EMC3: variants seen among roughly 807,000 people sequenced by gnomAD.
EMC3 encodes 30 kDa protein.
Under a neutral mutation model 36.6 loss-of-function variants are expected in EMC3, and 13 were observed. The observed-to-expected ratio is 0.35, with a 90% CI of 0.23 to 0.56. The LOEUF (loss-of-function observed/expected upper bound fraction) is 0.56. Among genes scored for constraint, EMC3 ranks in the 20% least tolerant of loss-of-function variants. The pLI, the probability that EMC3 is intolerant of heterozygous loss-of-function variation, is 0.84. For synonymous variants in EMC3, 120 were observed against 111.9 expected, an observed-to-expected ratio of 1.07 and a Z score of -0.46; for missense variants, 220 against 324.5, an observed-to-expected ratio of 0.68 and a Z score of 2.47.
At chr3:10,006,855 G>A in intron 1 of EMC3, 1 of 420,084 alleles carries the variant, frequency 2.4e-6, no homozygotes, top group Non-Finnish European at 4.7e-6. Context: ...AAACCTGACA[G>A]TGGATGCCAA....
chr3:10,007,241 G>C, intron 1 of EMC3: 1 of 1,125,052 alleles, frequency 8.9e-7, no homozygotes, highest in Non-Finnish European at 1.2e-6. Flanking sequence ...CAGGTGCAGG[G>C]TAGAGTCCCA....
intron 3 of EMC3, among the ~76,000 whole-genome samples, chr3:9,975,949 TAACTC>T (rs1012522108): frequency 1.3e-5 from 2 of 152,132 alleles, no homozygotes; most frequent in African/African-American, 4.8e-5. Flanking sequence ...GTTAAAAAAT[TAACTC>T]CATACAACCT....
chr3:9,973,608 A>C lies in EMC3; in HGVS notation c.494+20T>G. On this transcript the variant is annotated intron_variant, in intron 5 of 7. Coordinates refer to ENST00000245046, the MANE Select transcript of EMC3 (RefSeq NM_001394674.1). ...CCAAAGTGTGGTTTGTGTTTTTATT[A>C]AACAAAAGAAAGTTCTTACCAGGAT... 6.2e-7 allele frequency: 1 copy of C among 1,610,170 alleles called. No individual in the cohort carries two copies. The highest frequency in any genetic ancestry group is 8.5e-7 in the Non-Finnish European group (1 of 1,176,378).
intron 1 of EMC3, among the ~76,000 whole-genome samples, chr3:9,993,274 C>T (rs2086077582): frequency 6.6e-6 from 1 of 152,124 alleles, no homozygotes; most frequent in Non-Finnish European, 1.5e-5. Context: ...AAATATGGAC[C>T]TATTTGAACT....
At chr3:9,969,656 A>T (rs750887149) in intron 7 of EMC3, 63 bp downstream of exon 7, 1 of 1,612,586 alleles carries the variant, frequency 6.2e-7, no homozygotes, top group Non-Finnish European at 8.5e-7. Flanking sequence ...AGCTATTTTT[A>T]AAATAGCTCT....
chr3:9,966,225 GTTTT>G (rs1264198471), intron 7 of EMC3, among the ~76,000 whole-genome samples: 2 of 138,936 alleles, frequency 1.4e-5, no homozygotes, highest in Admixed American at 1.5e-4. Context: ...AGTGGTATCT[GTTTT>G]TTTTTTTTTT....
Position 9,986,765 on chromosome 3 carries a change from G to C in EMC3, c.-104C>G, listed in dbSNP as rs2085978522. On this transcript the variant is annotated 5_prime_UTR_variant, in exon 1 of 8. Transcript: ENST00000245046. ...CCTCCGGGCCTTCTCAAGCCCCTTTGCCCGTGTACCCCAGAACTCTCCTGC... is the reference window on the plus strand; with the variant it reads ...CCTCCGGGCCTTCTCAAGCCCCTTTCCCCGTGTACCCCAGAACTCTCCTGC... The C allele has an allele frequency of 6.5e-7, 1 of 1,542,794 alleles. No individual in the cohort carries two copies. The highest frequency in any genetic ancestry group is 2.0e-5 in the Admixed American group (1 of 49,644).
At position 9,986,638 on chromosome 3, in the gene EMC3, G is replaced by A. The variant is rs1487465653; in HGVS notation, c.24C>T (p.Leu8=). MAGPELL[L]DSNIRLWVVL... ...CCACCCAGAGGCGGATGTTGGAGTC[G>A]AGCAACAGTTCTGGCCCTGCCATCT... The change falls in exon 1 of 8, where the codon CTC becomes CTT. Residue 8 remains leucine (L), a synonymous_variant. Coordinates refer to ENST00000245046, the MANE Select transcript of EMC3 (RefSeq NM_001394674.1). 1.2e-5 allele frequency: 19 copies of A among 1,614,156 alleles called. No individual in the cohort carries two copies. Among genetic ancestry groups the A allele is most frequent in the Non-Finnish European group, 1.6e-5 (19 of 1,180,030 alleles).
chr3:9,986,449 AC>A (rs1343745174), intron 1 of EMC3, 57 bp downstream of exon 1: 2 of 1,596,034 alleles, frequency 1.3e-6, no homozygotes, highest in African/African-American at 2.7e-5. Context: ...CAACTCCTGC[AC>A]TTTTTTGCCC....
chr3:9,989,868 GA>G (rs2124924439), upstream of EMC3, among the ~76,000 whole-genome samples: 1 of 151,482 alleles, frequency 6.6e-6, no homozygotes, highest in East Asian at 1.9e-4. Context: ...CTGGTCTAAT[GA>G]CTCTAAATTT....
At chr3:9,970,325 G>C (rs773057915) in intron 6 of EMC3, among the ~76,000 whole-genome samples, 3 of 152,192 alleles carry the variant, frequency 2.0e-5, no homozygotes, top group Non-Finnish European at 2.9e-5. Flanking sequence ...TACACTGCTG[G>C]TGCTGGATCC....
At chr3:9,986,892 C>A (rs1224501410), upstream of EMC3, 23 of 1,325,624 alleles carry the variant, frequency 1.7e-5, no homozygotes, top group Non-Finnish European at 2.1e-5. Context: ...GGCGTCAGAG[C>A]GGCGTCGGGC....
chr3:9,972,595 A>C (rs1206276934), intron 5 of EMC3, among the ~76,000 whole-genome samples: 1 of 151,628 alleles, frequency 6.6e-6, no homozygotes, highest in Non-Finnish European at 1.5e-5. Context: ...ACATGGTGAA[A>C]CCCTGTCTCC....
rs2085980211 is a variant in EMC3 at position 9,986,839 on chromosome 3, C to T, written c.-178G>A. The T allele has an allele frequency of 7.2e-7, 1 of 1,389,936 alleles. No individual in the cohort carries two copies. The highest frequency in any genetic ancestry group is 1.5e-5 in the African/African-American group (1 of 68,948). 86.1% of individuals were successfully genotyped at this position (1,389,936 alleles called of 1,614,324 possible). On this transcript the variant is annotated 5_prime_UTR_variant, in exon 1 of 8. In the 5' UTR this introduces an upstream ATG that the reference lacks. Coordinates refer to ENST00000245046, the MANE Select transcript of EMC3 (RefSeq NM_001394674.1). ...TTCAGCTGGGCTGCCTGGTCTTCCA[C>T]TTCCGGCGCGAACGTTGACGTCACG...
chr3:10,001,405 C>CAAAAA (rs60785369), intron 1 of EMC3, among the ~76,000 whole-genome samples: 3 of 79,654 alleles, frequency 3.8e-5, no homozygotes, highest in East Asian at 4.6e-4. Flanking sequence ...GCTAAAAATA[C>CAAAAA]AAAAAAAAAA....
chr3:9,983,329 G>T (rs1466001865), intron 1 of EMC3, among the ~76,000 whole-genome samples: 4 of 151,930 alleles, frequency 2.6e-5, no homozygotes, highest in Non-Finnish European at 5.9e-5. Flanking sequence ...TGTATTTTTA[G>T]CAGAGATGGG....
chr3:10,009,190 C>T (rs1354699019), intron 1 of EMC3: 3 of 152,336 alleles, frequency 2.0e-5, no homozygotes, highest in African/African-American at 7.2e-5. Context: ...ACGCCCCCCG[C>T]TGCGTCACTG....
chr3:9,998,023 T>G (rs2086149009), intron 1 of EMC3, among the ~76,000 whole-genome samples: 1 of 152,138 alleles, frequency 6.6e-6, no homozygotes, highest in Non-Finnish European at 1.5e-5. Context: ...CCAATGCACG[T>G]GGTCTCCAAT....
At chr3:9,995,304 T>C (rs904191371) in intron 1 of EMC3, among the ~76,000 whole-genome samples, 3 of 151,818 alleles carry the variant, frequency 2.0e-5, no homozygotes, top group African/African-American at 7.3e-5. Flanking sequence ...TTTCAACTGA[T>C]CTTGTACAAC....
Sources: gnomAD v4.1 joint callset for allele counts (sites outside exome capture counted in the v4.1 genomes callset) on GRCh38, gnomAD v4.1.1 for gene constraint, MANE v1.5 for transcripts, NCBI Gene and HGNC (gene_info 2026-07-23, HGNC 2026-07-21) for gene names.